The following LMX1A variants were observed in gnomAD, a reference collection of about 807,000 sequenced individuals.
LMX1A encodes the protein LIM homeobox transcription factor 1-alpha.
LMX1A carries 15 observed loss-of-function variants against 49.1 expected under a neutral mutation model. The observed-to-expected ratio is 0.31, with a 90% confidence interval of 0.20 to 0.47. The LOEUF is 0.47. Among genes scored for constraint, LMX1A ranks in the 20% least tolerant of loss-of-function variants. LMX1A has a pLI of 1.00. For synonymous variants in LMX1A, 167 were observed against 185.7 expected (o/e 0.90, Z 0.82); for missense variants, 372 against 475.8 (o/e 0.78, Z 2.03).
intron 4 of LMX1A, among the ~76,000 whole-genome samples, chr1:165,229,629 A>G (rs1009471432): frequency 5.9e-5 from 9 of 152,242 alleles, no homozygotes; most frequent in East Asian, 1.9e-4. Context: ...ACAATCATCT[A>G]TGTTTACAAA....
intron 4 of LMX1A, among the ~76,000 whole-genome samples, chr1:165,241,979 A>G (rs1173023279): frequency 6.6e-6 from 1 of 152,196 alleles, no homozygotes; most frequent in African/African-American, 2.4e-5. Flanking sequence ...AATTAGGAGG[A>G]AGAAGGATTC....
intron 3 of LMX1A, among the ~76,000 whole-genome samples, chr1:165,342,293 A>G (rs1434561713): frequency 2.0e-5 from 3 of 152,222 alleles, no homozygotes; most frequent in Non-Finnish European, 4.4e-5. Context: ...AGTTCAGAAG[A>G]AAACTTGGAA....
chr1:165,278,293 C>T (rs554071238), intron 3 of LMX1A, among the ~76,000 whole-genome samples: 5 of 152,326 alleles, frequency 3.3e-5, no homozygotes, highest in East Asian at 1.9e-4. Flanking sequence ...CAACATCTAG[C>T]GTATGGCTAT....
chr1:165,236,848 C>T (rs1040384814), intron 4 of LMX1A, among the ~76,000 whole-genome samples: 1 of 46,146 alleles, frequency 2.2e-5, no homozygotes, highest in Non-Finnish European at 3.6e-5. Context: ...CACAGGAGTT[C>T]AAAGTTTTTT....
chr1:165,210,370 T>C (rs907754420), intron 6 of LMX1A, among the ~76,000 whole-genome samples: 1 of 152,220 alleles, frequency 6.6e-6, no homozygotes, highest in African/African-American at 2.4e-5. Context: ...AAAATAACTT[T>C]GGTATTTGCA....
Position 165,347,364 on chromosome 1 carries a change from T to C in LMX1A, c.263+5712A>G, listed in dbSNP as rs563515415. On this transcript the variant is annotated intron_variant, in intron 3 of 8. Coordinates refer to ENST00000342310, the MANE Select transcript of LMX1A (RefSeq NM_177398.4). ...TGAAGAAAAACATATAGAGTATTCC[T>C]AAGAGGAAGCCTCAGGCATGCTGGA... is the stretch of plus-strand genomic sequence containing the variant. Among the ~76,000 whole-genome samples, 3 of 152,304 alleles carry C rather than the reference T, an allele frequency of 2.0e-5. 1 individual carries two copies. In the South Asian group the frequency reaches 6.2e-4, roughly 32 times the overall value.
chr1:165,302,808 T>C (rs1654817217), intron 3 of LMX1A, among the ~76,000 whole-genome samples: 1 of 152,196 alleles, frequency 6.6e-6, no homozygotes, highest in Admixed American at 6.5e-5. Context: ...GGTTTTTCTC[T>C]CTAGGTATGT....
At chr1:165,305,545 C>A (rs972917701) in intron 3 of LMX1A, among the ~76,000 whole-genome samples, 3 of 152,172 alleles carry the variant, frequency 2.0e-5, no homozygotes, top group African/African-American at 7.2e-5. Context: ...GGCTAAGTAT[C>A]ATGAAGCAGA....
chr1:165,207,603 G>A lies in LMX1A; in HGVS notation c.817+460C>T, dbSNP rs901560661. On this transcript the variant is annotated intron_variant, in intron 7 of 8. Coordinates refer to ENST00000342310, the MANE Select transcript of LMX1A (RefSeq NM_177398.4). Reference sequence around the variant, plus strand: ...TTGTAAAAGTCAAGTCAGCATGTATGAGAACACCAATCTATAAGAGTGTTC... The same window carrying A: ...TTGTAAAAGTCAAGTCAGCATGTATAAGAACACCAATCTATAAGAGTGTTC... 4 of 154,452 alleles carry A rather than the reference G, an allele frequency of 2.6e-5. No individual in the cohort carries two copies. In the East Asian group the frequency reaches 7.6e-4, roughly 29 times the overall value. The allele number at this position is 154,452 out of a possible 1,614,324, so 9.6% of individuals were successfully genotyped here.
chr1:165,278,564 T>C (rs1654041725), intron 3 of LMX1A, among the ~76,000 whole-genome samples: 1 of 152,128 alleles, frequency 6.6e-6, no homozygotes, highest in Non-Finnish European at 1.5e-5. Flanking sequence ...CATTCTCTCT[T>C]CTCTCTTCCC....
At chr1:165,247,048 C>CTTTTTATTTTTTTTTTTT (rs1204141626) in intron 4 of LMX1A, among the ~76,000 whole-genome samples, 1 of 21,422 alleles carries the variant, frequency 4.7e-5, no homozygotes, top group African/African-American at 2.1e-4. Context: ...ATCAGATCAG[C>CTTTTTATTTTTTTTTTTT]TTTTTCTTTT....
rs12067665 is a variant in LMX1A, at chr1:165,278,891, G to A, written c.264-29251C>T. Among the ~76,000 whole-genome samples the A allele has an allele frequency of 5.6e-4, 85 of 152,246 alleles. 3 individuals are homozygous for A. In the East Asian group the frequency reaches 0.014, roughly 26 times the overall value. On this transcript the variant is annotated intron_variant, in intron 3 of 8. Transcript: ENST00000342310. Reference sequence around the variant, plus strand: ...CCCAGAAGGCTGAGAGAAGGTACAGGGCAGGACCCCGCAAGGGCCATGGGC... The same window carrying A: ...CCCAGAAGGCTGAGAGAAGGTACAGAGCAGGACCCCGCAAGGGCCATGGGC...
At chr1:165,343,118 C>T (rs1656126893) in intron 3 of LMX1A, among the ~76,000 whole-genome samples, 1 of 152,112 alleles carries the variant, frequency 6.6e-6, no homozygotes, top group South Asian at 2.1e-4. Context: ...AATCATTTTA[C>T]AGCATTTTCT....
rs572152484 is a variant in LMX1A at position 165,291,767 on chromosome 1, C to A, written c.264-42127G>T. Among the ~76,000 whole-genome samples the A allele has an allele frequency of 2.0e-5, 3 of 152,248 alleles. No individual in the cohort carries two copies. The East Asian group carries it at 5.8e-4, about 29-fold the overall frequency. On this transcript the variant is annotated intron_variant, in intron 3 of 8. Coordinates refer to ENST00000342310, the MANE Select transcript of LMX1A (RefSeq NM_177398.4). ...CTGGGATTTAAACCTGTACTCTTAA[C>A]AATATGCTATATGCGGCCGGGCGCG...
rs144006273 is a variant in LMX1A, at chr1:165,267,957, T to C, written c.264-18317A>G. Among the ~76,000 whole-genome samples, 205 of 152,256 alleles carry C rather than the reference T, an allele frequency of 1.3e-3. 2 individuals are homozygous for C. The highest frequency in any genetic ancestry group is 4.5e-3 in the African/African-American group (188 of 41,558). ...ATTGAGTGACAGACAGAGGGGGATC[T>C]AGGGTCAAAAGATTGTTTTTAATGA... On this transcript the variant is annotated intron_variant, in intron 3 of 8. Coordinates refer to ENST00000342310, the MANE Select transcript of LMX1A (RefSeq NM_177398.4).
At position 165,201,944 on chromosome 1, in the gene LMX1A, C is replaced by T. The variant is rs1650861702; in HGVS notation, c.*1936G>A. 6.6e-6 allele frequency: 1 copy of T among 152,528 alleles called. No individual in the cohort carries two copies. Among genetic ancestry groups the T allele is most frequent in the Non-Finnish European group, 1.5e-5 (1 of 68,036 alleles). 9.4% of individuals were successfully genotyped at this position (152,528 alleles called of 1,614,324 possible). A position where few individuals can be genotyped will look rare whatever the true frequency, so the allele number is the denominator to read the frequency against. ...AAGGATCTCTATTCATTTTCACTCA[C>T]ATAGTATCTCCTACATTCTCCAACT... On this transcript the variant is annotated 3_prime_UTR_variant, in exon 9 of 9. Transcript: ENST00000342310.
chr1:165,210,043 C>T (rs1286906986), intron 6 of LMX1A, among the ~76,000 whole-genome samples: 1 of 152,212 alleles, frequency 6.6e-6, no homozygotes, highest in Non-Finnish European at 1.5e-5. Context: ...GTCACAGAAG[C>T]ATTCTGCGCT....
intron 3 of LMX1A, among the ~76,000 whole-genome samples, chr1:165,272,178 C>T (rs1009203207): frequency 1.8e-4 from 27 of 152,136 alleles, no homozygotes; most frequent in African/African-American, 6.5e-4. Context: ...GTCCTCCAAA[C>T]TGAGAAGAAA....
At chr1:165,347,323 T>C (rs1284087942) in intron 3 of LMX1A, among the ~76,000 whole-genome samples, 1 of 152,242 alleles carries the variant, frequency 6.6e-6, no homozygotes, top group Non-Finnish European at 1.5e-5. Flanking sequence ...TGTCCTAATG[T>C]TCCTAAGAGA....
Sources: gnomAD v4.1 joint callset for allele counts (sites outside exome capture counted in the v4.1 genomes callset) on GRCh38, gnomAD v4.1.1 for gene constraint, MANE v1.5 for transcripts, NCBI Gene and HGNC (gene_info 2026-07-23, HGNC 2026-07-21) for gene names.